ABHD17C: variants seen among roughly 807,000 people sequenced by gnomAD.
ABHD17C encodes abhydrolase domain containing 17C, depalmitoylase.
ABHD17C carries 11 observed loss-of-function variants against 27.9 expected under a neutral mutation model. The observed-to-expected ratio is 0.39, with a 90% CI of 0.25 to 0.65. The LOEUF (loss-of-function observed/expected upper bound fraction) is 0.65, where lower values mean the gene tolerates loss of function less well. Ranked by LOEUF, ABHD17C falls within the 30% of genes least tolerant of loss-of-function variation. The pLI, the probability that ABHD17C is intolerant of heterozygous loss-of-function variation, is 0.45. For synonymous variants in ABHD17C, 233 were observed against 209.1 expected (o/e 1.11, Z -0.98); for missense variants, 280 against 470.2 (o/e 0.60, Z 3.74).
chr15:80,737,181 C>T lies in ABHD17C; in HGVS notation c.591-12332C>T, dbSNP rs539886760. ...GGATTACTGCACACATCGCACTGCC[C>T]GTGACAAAGAGTAATGATTCAGGGC... On this transcript the variant is annotated intron_variant, in intron 1 of 2. Transcript: ENST00000258884. Among the ~76,000 whole-genome samples the T allele has an allele frequency of 4.6e-5, 7 of 152,272 alleles. No homozygotes were observed. The South Asian group carries it at 1.0e-3, about 23-fold the overall frequency.
chr15:80,724,821 G>A (rs1894950686), intron 1 of ABHD17C, among the ~76,000 whole-genome samples: 1 of 152,094 alleles, frequency 6.6e-6, no homozygotes, highest in Non-Finnish European at 1.5e-5. Context: ...GTTTTATCAG[G>A]GATGGAGTTT....
intron 1 of ABHD17C, among the ~76,000 whole-genome samples, chr15:80,700,347 C>T (rs1220155932): frequency 2.0e-5 from 3 of 152,130 alleles, no homozygotes; most frequent in Non-Finnish European, 2.9e-5. Flanking sequence ...GAGTGGGACT[C>T]TCCTGTTTGG....
intron 1 of ABHD17C, among the ~76,000 whole-genome samples, chr15:80,708,537 G>A (rs1020423682): frequency 2.6e-5 from 4 of 152,218 alleles, no homozygotes; most frequent in African/African-American, 4.8e-5. Flanking sequence ...GACTGGTCTC[G>A]AACTCCTAAG....
intron 1 of ABHD17C, among the ~76,000 whole-genome samples, chr15:80,723,770 C>T (rs1024734710): frequency 6.6e-6 from 1 of 152,142 alleles, no homozygotes; most frequent in African/African-American, 2.4e-5. Flanking sequence ...TGCTGCTTTG[C>T]GTGGCCGATG....
intron 1 of ABHD17C, among the ~76,000 whole-genome samples, chr15:80,712,692 T>C (rs1185496601): frequency 6.6e-6 from 1 of 152,208 alleles, no homozygotes; most frequent in Admixed American, 6.5e-5. Context: ...CTCATTCTAA[T>C]ATGTTTTTAT....
intron 1 of ABHD17C, among the ~76,000 whole-genome samples, chr15:80,713,175 C>G (rs1343135772): frequency 6.6e-6 from 1 of 151,786 alleles, no homozygotes. Context: ...TTGCCACCCA[C>G]ATCAGCTCTC....
In ABHD17C at chr15:80,695,881, T is replaced by C; in HGVS notation, c.452T>C (p.Phe151Ser). 1 of 1,597,344 alleles carries C rather than the reference T, an allele frequency of 6.3e-7. No individual in the cohort carries two copies. The highest frequency in any genetic ancestry group is 8.5e-7 in the Non-Finnish European group (1 of 1,179,284). Residue 151 changes from phenylalanine to serine, a missense_variant, in exon 1 of 3, where the codon TTC (phenylalanine) becomes TCC (serine). Around this residue, in one of 2 missense-constraint regions of ABHD17C, gnomAD observed 206 missense variants for 394.7 expected, o/e 0.52. Transcript: ENST00000258884. The surrounding 1 kb of genome is among the most constrained non-coding windows in gnomAD (Gnocchi z 4.3). ...GTGGACCTGGGCCAGATGTGCAGCT[T>C]CTACATTGGCCTCGGCTCCCGCATC... ...NAVDLGQMCS[F>S]YIGLGSRINC...
chr15:80,724,434 A>G (rs945366766), intron 1 of ABHD17C, among the ~76,000 whole-genome samples: 1 of 152,184 alleles, frequency 6.6e-6, no homozygotes, highest in African/African-American at 2.4e-5. Context: ...CGGCAGTGTA[A>G]TAATTTATTA....
rs920535820 is a variant in ABHD17C at position 80,735,563 on chromosome 15, G to A, written c.591-13950G>A. On this transcript the variant is annotated intron_variant, in intron 1 of 2. Coordinates refer to ENST00000258884, the MANE Select transcript of ABHD17C (RefSeq NM_021214.2). ...CACTCTGTTTCCTCCTTGTTTTTAC[G>A]CCCCTGCCGCTGCCTACCATCAAAC... Among the ~76,000 whole-genome samples, 7 of 151,816 alleles carry A rather than the reference G, an allele frequency of 4.6e-5. No homozygotes were observed. The East Asian group carries it at 7.7e-4, about 17-fold the overall frequency.
At chr15:80,699,523 A>G (rs978090048) in intron 1 of ABHD17C, among the ~76,000 whole-genome samples, 6 of 152,234 alleles carry the variant, frequency 3.9e-5, no homozygotes, top group Non-Finnish European at 8.8e-5. Flanking sequence ...AGAGAAGAAC[A>G]ATACTAACCC....
Position 80,728,720 on chromosome 15 carries a change from G to C in ABHD17C, c.591-20793G>C, listed in dbSNP as rs372536107. ...GTGAATCAAATTGAGACTTTTTGAA[G>C]ATAAAAGGGCATCTCCTCCCAAGTA... On this transcript the variant is annotated intron_variant, in intron 1 of 2. Coordinates refer to ENST00000258884, the MANE Select transcript of ABHD17C (RefSeq NM_021214.2). 6.6e-5 allele frequency among the ~76,000 whole-genome samples: 10 copies of C among 152,284 alleles called. 1 individual carries two copies. The highest frequency in any genetic ancestry group is 6.5e-5 in the Admixed American group (1 of 15,296).
chr15:80,719,643 TC>T (rs1367812096), intron 1 of ABHD17C, among the ~76,000 whole-genome samples: 1 of 152,260 alleles, frequency 6.6e-6, no homozygotes, highest in Non-Finnish European at 1.5e-5. Context: ...TTTCAGGGCT[TC>T]CAGCCCATTC....
At position 80,743,420 on chromosome 15, in the gene ABHD17C, G is replaced by A. The variant is rs187241368; in HGVS notation, c.591-6093G>A. 1.9e-3 allele frequency among the ~76,000 whole-genome samples: 291 copies of A among 152,252 alleles called. 1 individual carries two copies. The highest frequency in any genetic ancestry group is 6.7e-3 in the African/African-American group (277 of 41,538). ...GCCTTAGGGATAGAAAGCGCTGTGT[G>A]TAGGCCCTGCTGCGGTTCCTGTCCT... On this transcript the variant is annotated intron_variant, in intron 1 of 2. Coordinates refer to ENST00000258884, the MANE Select transcript of ABHD17C (RefSeq NM_021214.2).
chr15:80,704,910 C>T (rs968800404), intron 1 of ABHD17C: 2 of 152,110 alleles, frequency 1.3e-5, no homozygotes, highest in African/African-American at 4.8e-5. Flanking sequence ...CATTGCAAGC[C>T]TGAAAGTGAA....
intron 1 of ABHD17C, among the ~76,000 whole-genome samples, chr15:80,718,507 A>G (rs1894840772): frequency 6.6e-6 from 1 of 151,542 alleles, no homozygotes; most frequent in South Asian, 2.1e-4. Context: ...TAATTTTTGT[A>G]TTTTTTAGTA....
intron 1 of ABHD17C, among the ~76,000 whole-genome samples, chr15:80,727,048 T>C (rs1336486114): frequency 6.6e-6 from 1 of 152,222 alleles, no homozygotes; most frequent in Non-Finnish European, 1.5e-5. Context: ...AATCTTGTAG[T>C]TTAAGACAGG....
chr15:80,728,584 T>A (rs1204876058), intron 1 of ABHD17C, among the ~76,000 whole-genome samples: 6 of 152,218 alleles, frequency 3.9e-5, no homozygotes, highest in Non-Finnish European at 4.4e-5. Flanking sequence ...TATTGGGCAT[T>A]AGAGTCAAGA....
chr15:80,709,490 A>AG (rs1450404751), intron 1 of ABHD17C, among the ~76,000 whole-genome samples: 1 of 150,122 alleles, frequency 6.7e-6, no homozygotes, highest in East Asian at 1.9e-4. Context: ...CTCTGTCTCA[A>AG]AAAAAAAAAA....
At chr15:80,715,321 G>T (rs1462256065) in intron 1 of ABHD17C, among the ~76,000 whole-genome samples, 1 of 152,208 alleles carries the variant, frequency 6.6e-6, no homozygotes, top group Admixed American at 6.5e-5. Context: ...GATGGCTGAG[G>T]ATTAGTAAAC....
Sources: allele counts gnomAD v4.1 joint callset (sites outside exome capture counted in the v4.1 genomes callset), GRCh38; gene constraint gnomAD v4.1.1; regional missense constraint gnomAD v4.1.1; non-coding constraint Gnocchi (gnomAD v3.1); transcripts MANE v1.5; gene names NCBI Gene and HGNC (gene_info 2026-07-23, HGNC 2026-07-21).